The following MKLN1 variants were observed in gnomAD, a reference collection of about 807,000 sequenced individuals.
MKLN1 encodes muskelin 1.
Under a neutral mutation model 99.0 loss-of-function variants are expected in MKLN1, and 18 were observed. The observed-to-expected ratio is 0.18, with a 90% CI of 0.13 to 0.27. MKLN1 has a LOEUF of 0.27. Ranked by LOEUF, MKLN1 falls within the 10% of genes least tolerant of loss-of-function variation. MKLN1 has a pLI of 1.00. For synonymous variants in MKLN1, 288 were observed against 293.2 expected (o/e 0.98, Z 0.18); for missense variants, 621 against 875.9 (o/e 0.71, Z 3.67).
At position 131,261,402 on chromosome 7, in the gene MKLN1, C is replaced by T. The variant is rs918135642; in HGVS notation, c.-179+58428C>T. Among the ~76,000 whole-genome samples, 7 of 151,958 alleles carry T rather than the reference C, an allele frequency of 4.6e-5. No homozygotes were observed. The East Asian group carries it at 5.8e-4, about 13-fold the overall frequency. On this transcript the variant is annotated intron_variant, in intron 3 of 7. Coordinates refer to the MKLN1 transcript ENST00000416992. ...AATAAGCATATGAAAAAATGCTCAG[C>T]GTCACTAACTATTAGAGAAACGCAA... is the stretch of plus-strand genomic sequence containing the variant.
intron 1 of MKLN1, among the ~76,000 whole-genome samples, chr7:131,351,367 A>T (rs539400672): frequency 6.6e-6 from 1 of 152,338 alleles, no homozygotes; most frequent in South Asian, 2.1e-4. Context: ...TATTCTAGAT[A>T]TGTTCAGTTG....
At chr7:131,486,739 C>T (rs1797292638) in intron 17 of MKLN1, among the ~76,000 whole-genome samples, 1 of 152,040 alleles carries the variant, frequency 6.6e-6, no homozygotes, top group Non-Finnish European at 1.5e-5. Flanking sequence ...TTAAATATCT[C>T]ATTTGTATGT....
chr7:131,114,218 G>A (rs184577255), intron 1 of MKLN1, among the ~76,000 whole-genome samples: 1 of 152,160 alleles, frequency 6.6e-6, no homozygotes, highest in Non-Finnish European at 1.5e-5. Context: ...CCATAAATCT[G>A]CTCCCATTAT....
intron 3 of MKLN1, among the ~76,000 whole-genome samples, chr7:131,318,163 C>T (rs1207151500): frequency 1.3e-5 from 2 of 152,176 alleles, no homozygotes; most frequent in Admixed American, 1.3e-4. Context: ...ATACATTCTT[C>T]TCAGTACCTC....
rs10556391 is a variant in MKLN1 at position 131,227,410 on chromosome 7, CCTCT to C, written c.-179+24443_-179+24446del. Among the ~76,000 whole-genome samples the C allele has an allele frequency of 3.1e-4, 42 of 137,590 alleles. No individual in the cohort carries two copies. The South Asian group carries it at 7.9e-3, about 26-fold the overall frequency. 90.3% of individuals were successfully genotyped at this position (137,590 alleles called of 152,430 possible). ...TTTTCTTTCTTTCTCTCTTTCTTTC[CCTCT>C]CTCTCTTTCTCCCTCTTTCTCTCTT... On this transcript the variant is annotated intron_variant, in intron 3 of 7. Transcript: ENST00000416992.
intron 1 of MKLN1, among the ~76,000 whole-genome samples, chr7:131,118,398 A>G (rs1795310275): frequency 6.6e-6 from 1 of 152,150 alleles, no homozygotes; most frequent in African/African-American, 2.4e-5. Flanking sequence ...TACTAAAAAT[A>G]CAAAATTAGC....
At chr7:131,257,174 T>C (rs1584871948) in intron 3 of MKLN1, among the ~76,000 whole-genome samples, 1 of 152,194 alleles carries the variant, frequency 6.6e-6, no homozygotes, top group South Asian at 2.1e-4. Context: ...ATCGATACTC[T>C]TCTCAATTGA....
At chr7:131,456,455 C>A (rs896253096) in intron 12 of MKLN1, among the ~76,000 whole-genome samples, 1 of 152,088 alleles carries the variant, frequency 6.6e-6, no homozygotes, top group African/African-American at 2.4e-5. Context: ...TCACTCTCCC[C>A]CAGATTACCC....
chr7:131,198,192 A>G (rs1361068230), intron 2 of MKLN1, among the ~76,000 whole-genome samples: 2 of 152,216 alleles, frequency 1.3e-5, no homozygotes, highest in African/African-American at 4.8e-5. Context: ...AGTGTTGTCC[A>G]AGTCTATTCC....
chr7:131,282,939 T>C (rs554876668), intron 3 of MKLN1, among the ~76,000 whole-genome samples: 4 of 152,308 alleles, frequency 2.6e-5, no homozygotes, highest in African/African-American at 4.8e-5. Context: ...GGACCAATCC[T>C]CATCTTCATT....
intron 3 of MKLN1, among the ~76,000 whole-genome samples, chr7:131,218,902 A>G (rs1467878362): frequency 1.3e-5 from 2 of 152,316 alleles, no homozygotes; most frequent in Non-Finnish European, 2.9e-5. Context: ...GAATGTAACC[A>G]CAGATGAACA....
chr7:131,152,530 C>T (rs1489737813), intron 2 of MKLN1, among the ~76,000 whole-genome samples: 8 of 143,310 alleles, frequency 5.6e-5, no homozygotes, highest in Non-Finnish European at 1.2e-4. Context: ...GACGGAGTCT[C>T]GCTCTGTCAC....
At chr7:131,261,983 T>C (rs909543218) in intron 3 of MKLN1, among the ~76,000 whole-genome samples, 1 of 152,166 alleles carries the variant, frequency 6.6e-6, no homozygotes, top group African/African-American at 2.4e-5. Flanking sequence ...CATGAGGACC[T>C]ACTGGAGTGT....
Position 131,187,191 on chromosome 7 carries a change from C to T in MKLN1, c.-296-15666C>T, listed in dbSNP as rs538452162. On this transcript the variant is annotated intron_variant, in intron 2 of 7. Coordinates refer to the MKLN1 transcript ENST00000416992. Reference sequence around the variant, plus strand: ...GGCCTTCAGCATTGAACTAAATAAGCAGTCATGGACGAAGTGGCCAGAGGA... The same window carrying T: ...GGCCTTCAGCATTGAACTAAATAAGTAGTCATGGACGAAGTGGCCAGAGGA... Among the ~76,000 whole-genome samples, 4 of 152,318 alleles carry T rather than the reference C, an allele frequency of 2.6e-5. No individual in the cohort carries two copies. The East Asian group carries it at 5.8e-4, about 22-fold the overall frequency.
At chr7:131,154,705 T>C (rs1795939170) in intron 2 of MKLN1, among the ~76,000 whole-genome samples, 1 of 152,204 alleles carries the variant, frequency 6.6e-6, no homozygotes, top group South Asian at 2.1e-4. Flanking sequence ...AAATTCCATG[T>C]ATGTGTAGCA....
At chr7:131,284,106 TTGAACACATGTG>T (rs1481647067) in intron 3 of MKLN1, among the ~76,000 whole-genome samples, 1 of 152,184 alleles carries the variant, frequency 6.6e-6, no homozygotes, top group African/African-American at 2.4e-5. Context: ...GTACGTCTCC[TTGAACACATGTG>T]TGAGAGTTCT....
chr7:131,283,345 C>CT (rs755341833), intron 3 of MKLN1, among the ~76,000 whole-genome samples: 518 of 24,674 alleles, frequency 0.021, 23 homozygotes, highest in Non-Finnish European at 0.032. Flanking sequence ...CTTCCCTTCC[C>CT]CTCCTTCCTT....
intron 17 of MKLN1, among the ~76,000 whole-genome samples, chr7:131,483,153 G>C (rs1227410277): frequency 6.6e-6 from 1 of 152,190 alleles, no homozygotes; most frequent in Non-Finnish European, 1.5e-5. Context: ...ATGAGGTTTA[G>C]AATCAATATC....
intron 3 of MKLN1, among the ~76,000 whole-genome samples, chr7:131,241,317 G>A (rs1370466556): frequency 1.3e-5 from 2 of 149,170 alleles, no homozygotes; most frequent in African/African-American, 2.5e-5. Flanking sequence ...GGCAGAGATT[G>A]CAGTGAGCCG....
Sources: allele counts gnomAD v4.1 joint callset (sites outside exome capture counted in the v4.1 genomes callset), GRCh38; gene constraint gnomAD v4.1.1; transcripts MANE v1.5; gene names NCBI Gene and HGNC (gene_info 2026-07-23, HGNC 2026-07-21).